Variants in UBE2E2 observed in about 807,000 individuals in gnomAD.
UBE2E2 encodes the protein ubiquitin conjugating enzyme E2 E2, also known as ubiquitin-conjugating enzyme E2 E2.
Under a neutral mutation model 24.7 loss-of-function variants are expected in UBE2E2, and 6 were observed. That is an observed-to-expected ratio of 0.24 (90% CI 0.13 to 0.48). The LOEUF is 0.48. UBE2E2 is among the 20% of genes least tolerant of loss of function. The pLI is 0.99. For missense variants in UBE2E2, 169 were observed against 245.0 expected, an observed-to-expected ratio of 0.69 and a Z score of 2.07; for synonymous variants, 104 against 83.6, an observed-to-expected ratio of 1.24 and a Z score of -1.33.
intron 3 of UBE2E2, among the ~76,000 whole-genome samples, chr3:23,313,562 T>G (rs1263223034): frequency 2.0e-5 from 3 of 151,978 alleles, no homozygotes; most frequent in Non-Finnish European, 4.4e-5. Flanking sequence ...TTTTTGTGTT[T>G]TTAGTAGAGT....
intron 3 of UBE2E2, among the ~76,000 whole-genome samples, chr3:23,339,111 A>G (rs1695301704): frequency 2.0e-5 from 3 of 152,188 alleles, no homozygotes; most frequent in Admixed American, 2.0e-4. Context: ...TTCTGATATG[A>G]TGTACTGAGA....
chr3:23,454,040 G>C (rs1318715121), intron 3 of UBE2E2, among the ~76,000 whole-genome samples: 1 of 152,102 alleles, frequency 6.6e-6, no homozygotes, highest in African/African-American at 2.4e-5. Flanking sequence ...GTAAGATTAT[G>C]TTGCTAAATG....
chr3:23,542,227 G>A (rs756247534), intron 5 of UBE2E2, among the ~76,000 whole-genome samples: 3 of 152,154 alleles, frequency 2.0e-5, no homozygotes, highest in Admixed American at 6.6e-5. Context: ...ACTAGGGATG[G>A]TATATTTTAA....
At position 23,570,674 on chromosome 3, in the gene UBE2E2, C is replaced by G. The variant is rs183961193; in HGVS notation, c.509-19060C>G. On this transcript the variant is annotated intron_variant, in intron 5 of 5. Coordinates refer to ENST00000396703, the MANE Select transcript of UBE2E2 (RefSeq NM_152653.4). The stretch of plus-strand genomic sequence containing the variant: ...CCTGTGTATTCATCCTGTGATTGCA[C>G]CTGACAAATGAGTATATTTCTAACA... 4.0e-3 allele frequency among the ~76,000 whole-genome samples: 604 copies of G among 152,194 alleles called. 1 individual carries two copies. Among genetic ancestry groups the G allele is most frequent in the Non-Finnish European group, 6.5e-3 (441 of 68,014 alleles).
At chr3:23,316,045 C>T (rs982862910) in intron 3 of UBE2E2, among the ~76,000 whole-genome samples, 1 of 152,108 alleles carries the variant, frequency 6.6e-6, no homozygotes, top group Non-Finnish European at 1.5e-5. Context: ...CCTGTGGCCG[C>T]CACCCCTGGA....
intron 3 of UBE2E2, among the ~76,000 whole-genome samples, chr3:23,496,737 T>A (rs995975085): frequency 6.6e-6 from 1 of 152,196 alleles, no homozygotes; most frequent in Non-Finnish European, 1.5e-5. Flanking sequence ...CAATGTCTTC[T>A]GGTGATACAC....
At chr3:23,301,663 C>T (rs561015793) in intron 3 of UBE2E2, among the ~76,000 whole-genome samples, 1 of 152,248 alleles carries the variant, frequency 6.6e-6, no homozygotes, top group African/African-American at 2.4e-5. Context: ...AGAGGAGTAC[C>T]CGGCCGTGTG....
intron 3 of UBE2E2, among the ~76,000 whole-genome samples, chr3:23,236,748 G>T (rs559936285): frequency 7.2e-5 from 11 of 152,052 alleles, no homozygotes; most frequent in Non-Finnish European, 1.2e-4. Context: ...AGCCAGCGTT[G>T]GCCTAAGTGT....
At chr3:23,262,263 G>A (rs901466903) in intron 3 of UBE2E2, among the ~76,000 whole-genome samples, 2 of 152,154 alleles carry the variant, frequency 1.3e-5, no homozygotes, top group Non-Finnish European at 1.5e-5. Flanking sequence ...TTGGAAAAAT[G>A]TGTATTCAGG....
intron 3 of UBE2E2, among the ~76,000 whole-genome samples, chr3:23,346,485 T>C (rs895613328): frequency 2.0e-5 from 3 of 152,222 alleles, no homozygotes; most frequent in African/African-American, 7.2e-5. Context: ...GTCCATCAGT[T>C]GAGACATGAT....
chr3:23,474,939 G>A lies in UBE2E2; in HGVS notation c.228-24669G>A, dbSNP rs74467184. Among the ~76,000 whole-genome samples the A allele has an allele frequency of 6.3e-3, 959 of 151,964 alleles. 21 individuals carry two copies. The highest frequency in any genetic ancestry group is 0.022 in the African/African-American group (911 of 41,328). On this transcript the variant is annotated intron_variant, in intron 3 of 5. Transcript: ENST00000396703. This position sits in a 1 kb window ranked among gnomAD's most constrained non-coding sequence, Gnocchi z 4.0. ...TTTTTTTATTTCTTAACCCACAACCGATGACAAGCATTTCACTCAAATTGC... is the reference window on the plus strand; with the variant it reads ...TTTTTTTATTTCTTAACCCACAACCAATGACAAGCATTTCACTCAAATTGC...
At chr3:23,338,184 A>G (rs1400647394) in intron 3 of UBE2E2, among the ~76,000 whole-genome samples, 2 of 152,198 alleles carry the variant, frequency 1.3e-5, no homozygotes, top group East Asian at 1.9e-4. Flanking sequence ...TGTGCATTTT[A>G]TGATCAAAAT....
At chr3:23,214,290 T>C (rs1696412502) in intron 2 of UBE2E2, among the ~76,000 whole-genome samples, 1 of 152,104 alleles carries the variant, frequency 6.6e-6, no homozygotes, top group African/African-American at 2.4e-5. Flanking sequence ...AGGGTCTTAC[T>C]CTTGCACAGG....
At chr3:23,532,261 A>G (rs556004923) in intron 4 of UBE2E2, among the ~76,000 whole-genome samples, 44 of 152,312 alleles carry the variant, frequency 2.9e-4, no homozygotes, top group Non-Finnish European at 4.1e-4. Context: ...AGTTGTATCA[A>G]AAGTAAATTC....
At chr3:23,424,378 T>C (rs1697875660) in intron 3 of UBE2E2, among the ~76,000 whole-genome samples, 1 of 151,842 alleles carries the variant, frequency 6.6e-6, no homozygotes, top group Admixed American at 6.6e-5. Context: ...TATCTACTCT[T>C]GTAGGGGAGC....
At chr3:23,551,172 C>T (rs749688859) in intron 5 of UBE2E2, among the ~76,000 whole-genome samples, 7 of 152,076 alleles carry the variant, frequency 4.6e-5, no homozygotes, top group Non-Finnish European at 1.0e-4. Context: ...CAGTGTTCAA[C>T]ATTCCATAAA....
chr3:23,504,325 T>TA (rs2125459437), intron 4 of UBE2E2, among the ~76,000 whole-genome samples: 1 of 152,328 alleles, frequency 6.6e-6, no homozygotes, highest in South Asian at 2.1e-4. Flanking sequence ...TACCAAAATT[T>TA]AATCACTTTC....
At chr3:23,361,690 G>A (rs1696117582) in intron 3 of UBE2E2, among the ~76,000 whole-genome samples, 2 of 152,208 alleles carry the variant, frequency 1.3e-5, no homozygotes, top group Admixed American at 6.5e-5. Flanking sequence ...TGGGAGCAGG[G>A]TGAGGGATGA....
chr3:23,356,515 T>C (rs1158261839), intron 3 of UBE2E2, among the ~76,000 whole-genome samples: 3 of 152,200 alleles, frequency 2.0e-5, no homozygotes, highest in Admixed American at 6.5e-5. Flanking sequence ...ATATGTTTCC[T>C]GAAAACTTAT....
Sources: allele counts gnomAD v4.1 joint callset (sites outside exome capture counted in the v4.1 genomes callset), GRCh38; gene constraint gnomAD v4.1.1; non-coding constraint Gnocchi (gnomAD v3.1); transcripts MANE v1.5; gene names NCBI Gene and HGNC (gene_info 2026-07-23, HGNC 2026-07-21).